The following LRRC4C variants were observed in gnomAD, a reference collection of about 807,000 sequenced individuals.
The protein encoded by LRRC4C is leucine rich repeat containing 4C.
In LRRC4C, 5 loss-of-function variants were observed where a neutral mutation model predicts 33.6. That is an observed-to-expected ratio of 0.15 (90% CI 0.08 to 0.31). The LOEUF is 0.31. LRRC4C is among the 10% of genes least tolerant of loss of function. The probability of loss-of-function intolerance (pLI) is 1.00; values close to 1 mark genes in which losing one functional copy is unlikely to be tolerated. For synonymous variants in LRRC4C, 329 were observed against 302.0 expected (o/e 1.09, Z -0.93); for missense variants, 560 against 796.7 (o/e 0.70, Z 3.58).
At chr11:40,407,220 T>G (rs1463619361) in intron 3 of LRRC4C, among the ~76,000 whole-genome samples, 1 of 152,028 alleles carries the variant, frequency 6.6e-6, no homozygotes, top group African/African-American at 2.4e-5. Context: ...CAAAACAAAG[T>G]CATAAATGTT....
chr11:40,678,362 T>C (rs1381910807), intron 2 of LRRC4C, among the ~76,000 whole-genome samples: 1 of 152,164 alleles, frequency 6.6e-6, no homozygotes, highest in Non-Finnish European at 1.5e-5. Flanking sequence ...GCACCAGATA[T>C]TACTTTTCGA....
chr11:41,008,077 C>T (rs1261058530), intron 1 of LRRC4C, among the ~76,000 whole-genome samples: 2 of 152,000 alleles, frequency 1.3e-5, no homozygotes, highest in Non-Finnish European at 2.9e-5. Flanking sequence ...TTAGCAAGTA[C>T]TATTGCCAAA....
rs1395176935 is a variant in LRRC4C, at chr11:40,873,319, G to T, written c.-407+60316C>A. On this transcript the variant is annotated intron_variant, in intron 2 of 6. Transcript: ENST00000528697. ...CAATAATGGCTAGCACTCTATAGGT[G>T]AGCTTGTAACAATAGTTTGAGATCT... Among the ~76,000 whole-genome samples, 2 of 152,154 alleles carry T rather than the reference G, an allele frequency of 1.3e-5. 1 individual carries two copies. Among genetic ancestry groups the T allele is most frequent in the South Asian group, 4.1e-4 (2 of 4,826 alleles).
intron 1 of LRRC4C, among the ~76,000 whole-genome samples, chr11:41,378,912 C>A (rs557551936): frequency 1.3e-5 from 2 of 151,022 alleles, no homozygotes; most frequent in Non-Finnish European, 2.9e-5. Flanking sequence ...TATAAGTCAG[C>A]GGGAAGAGTT....
chr11:41,426,022 A>G (rs1378751047), intron 1 of LRRC4C, among the ~76,000 whole-genome samples: 2 of 152,128 alleles, frequency 1.3e-5, no homozygotes, highest in Non-Finnish European at 2.9e-5. Context: ...GTTCTTTTAA[A>G]CCATACGTTG....
At chr11:40,264,999 A>G (rs560877848) in intron 4 of LRRC4C, among the ~76,000 whole-genome samples, 1 of 152,344 alleles carries the variant, frequency 6.6e-6, no homozygotes, top group Admixed American at 6.5e-5. Context: ...CTCATATTTA[A>G]AAAAGCAGTC....
chr11:40,914,027 A>T (rs1956823890), intron 2 of LRRC4C, among the ~76,000 whole-genome samples: 1 of 152,164 alleles, frequency 6.6e-6, no homozygotes, highest in Non-Finnish European at 1.5e-5. Context: ...TTGACCAAAA[A>T]CAGGCTCTGA....
At chr11:40,565,656 G>T (rs12278603) in intron 3 of LRRC4C, among the ~76,000 whole-genome samples, 3,583 of 152,144 alleles carry the variant, frequency 0.024, 62 homozygotes, top group South Asian at 0.033. Context: ...GCCTGTCTCG[G>T]CTTTCTCTCC....
In LRRC4C at chr11:40,585,511, G is replaced by A. The variant is rs1262599858; in HGVS notation, c.-270+62631C>T. On this transcript the variant is annotated intron_variant, in intron 3 of 6. Transcript: ENST00000528697. ...TTATACTTTAAGTTTTAGGGTACATGTGCACATTGTGCAGGTTAGTTACAT... is the reference window on the plus strand; with the variant it reads ...TTATACTTTAAGTTTTAGGGTACATATGCACATTGTGCAGGTTAGTTACAT... Among the ~76,000 whole-genome samples the A allele has an allele frequency of 2.0e-5, 3 of 149,640 alleles. No individual in the cohort carries two copies. In the East Asian group the frequency reaches 5.9e-4, roughly 30 times the overall value.
intron 2 of LRRC4C, among the ~76,000 whole-genome samples, chr11:40,650,485 C>A (rs1299367409): frequency 6.6e-6 from 1 of 152,142 alleles, no homozygotes; most frequent in African/African-American, 2.4e-5. Flanking sequence ...GCTCAAGCTA[C>A]CTTTCAAAAA....
intron 3 of LRRC4C, among the ~76,000 whole-genome samples, chr11:40,360,309 G>A (rs191275908): frequency 3.3e-5 from 5 of 152,148 alleles, no homozygotes; most frequent in African/African-American, 1.2e-4. Flanking sequence ...GAATATCAGA[G>A]AGGGGCAAGT....
At chr11:40,734,091 T>C (rs1947737606) in intron 2 of LRRC4C, among the ~76,000 whole-genome samples, 1 of 152,114 alleles carries the variant, frequency 6.6e-6, no homozygotes, top group Non-Finnish European at 1.5e-5. Flanking sequence ...GAAAACTAAA[T>C]CTTTTATAAT....
intron 3 of LRRC4C, among the ~76,000 whole-genome samples, chr11:40,528,202 C>T (rs10837432): frequency 0.54 from 82,608 of 151,884 alleles, 22,834 homozygotes; most frequent in East Asian, 0.79. Context: ...AACTAAAAAG[C>T]TCTGCACAGT....
intron 3 of LRRC4C, among the ~76,000 whole-genome samples, chr11:40,385,284 C>T (rs560080729): frequency 6.6e-6 from 1 of 152,224 alleles, no homozygotes; most frequent in South Asian, 2.1e-4. Flanking sequence ...TAAGTCATCT[C>T]AAGGGGAACT....
chr11:40,726,776 G>A (rs566728810), intron 2 of LRRC4C, among the ~76,000 whole-genome samples: 344 of 151,852 alleles, frequency 2.3e-3, no homozygotes, highest in African/African-American at 8.0e-3. Flanking sequence ...ACAAGAGAAA[G>A]AAATAAAAGT....
chr11:41,401,318 C>A (rs1158595498), intron 1 of LRRC4C, among the ~76,000 whole-genome samples: 2 of 151,820 alleles, frequency 1.3e-5, no homozygotes, highest in African/African-American at 2.4e-5. Flanking sequence ...CTGGTGGTTA[C>A]CATAGATTAC....
chr11:41,157,397 G>A (rs1039337054), intron 1 of LRRC4C, among the ~76,000 whole-genome samples: 1 of 151,980 alleles, frequency 6.6e-6, no homozygotes, highest in African/African-American at 2.4e-5. Flanking sequence ...GTTCTCTAAG[G>A]CTTTTGTAAA....
intron 1 of LRRC4C, among the ~76,000 whole-genome samples, chr11:41,181,291 T>C (rs1470145550): frequency 6.6e-6 from 1 of 152,146 alleles, no homozygotes; most frequent in Non-Finnish European, 1.5e-5. Context: ...GGATTCTTTT[T>C]ATAAACACCG....
chr11:41,080,342 C>CTTTTTTTTTTTTTTTT (rs71060997), intron 1 of LRRC4C, among the ~76,000 whole-genome samples: 1 of 103,434 alleles, frequency 9.7e-6, no homozygotes, highest in Non-Finnish European at 1.8e-5. Flanking sequence ...GAGTCTCCTC[C>CTTTTTTTTTTTTTTTT]TTTTTTTTTT....
Sources: allele counts gnomAD v4.1 joint callset (sites outside exome capture counted in the v4.1 genomes callset), GRCh38; gene constraint gnomAD v4.1.1; transcripts MANE v1.5; gene names NCBI Gene and HGNC (gene_info 2026-07-23, HGNC 2026-07-21).